The following ZMYND8 variants were observed in gnomAD, a reference collection of about 807,000 sequenced individuals.
ZMYND8 encodes the protein zinc finger MYND-type containing 8.
In ZMYND8, 37 loss-of-function variants were observed where a neutral mutation model predicts 140.8. The observed-to-expected ratio is 0.26, with a 90% CI of 0.20 to 0.35. The LOEUF (loss-of-function observed/expected upper bound fraction) is 0.35, where lower values mean the gene tolerates loss of function less well. Ranked by LOEUF, ZMYND8 falls within the 10% of genes least tolerant of loss-of-function variation. The pLI, the probability that ZMYND8 is intolerant of heterozygous loss-of-function variation, is 1.00. For missense variants in ZMYND8, 1,068 were observed against 1,570.0 expected, an observed-to-expected ratio of 0.68 and a Z score of 5.40; for synonymous variants, 592 against 597.1, an observed-to-expected ratio of 0.99 and a Z score of 0.12.
chr20:47,315,835 A>G lies in ZMYND8; in HGVS notation c.86-5631T>C, dbSNP rs2079346834. Among the ~76,000 whole-genome samples, 2 of 152,074 alleles carry G rather than the reference A, an allele frequency of 1.3e-5. 1 individual carries two copies. The highest frequency in any genetic ancestry group is 4.1e-4 in the South Asian group (2 of 4,824). On this transcript the variant is annotated intron_variant, in intron 2 of 22. Transcript: ENST00000471951. ...ACCCCGCCCGGCTGGCTCACTCACA[A>G]CCCTCTGCCTCTCACCCATCCCCCA... is the stretch of plus-strand genomic sequence containing the variant.
chr20:47,308,513 G>A (rs1293490069), intron 3 of ZMYND8, among the ~76,000 whole-genome samples: 3 of 152,128 alleles, frequency 2.0e-5, no homozygotes, highest in African/African-American at 4.8e-5. Flanking sequence ...GAGCCACCGC[G>A]CCTGGCCAGA....
At chr20:47,356,468 T>A in intron 1 of ZMYND8, 189 bp downstream of exon 1, 1 of 1,567,352 alleles carries the variant, frequency 6.4e-7, no homozygotes, top group Non-Finnish European at 8.6e-7. Flanking sequence ...AAAATCAAGC[T>A]ATGGCTAATG....
At chr20:47,299,094 CTAAA>C (rs879889307) in intron 3 of ZMYND8, 147 bp from the exon 4 acceptor site, 21 of 726,672 alleles carry the variant, frequency 2.9e-5, no homozygotes, top group Non-Finnish European at 4.5e-5. Context: ...GGTTACTCTA[CTAAA>C]TATATAATTA....
rs746919139 is a variant in ZMYND8 at position 47,283,634 on chromosome 20, T to C, written c.819A>G (p.Glu273=). ...CAGCTAGATAACATTCTGGACATAC[T>C]TCGATTTCATTCATCTGTAAAGCAA... ...KICEHEMNEI[E]VCPECYLAAC... The change falls in exon 9 of 23, where the codon GAA becomes GAG. Residue 273 remains glutamate, a synonymous_variant. Coordinates refer to ENST00000471951, the MANE Select transcript of ZMYND8 (RefSeq NM_001281775.3). 1.2e-6 allele frequency: 2 copies of C among 1,614,048 alleles called. No homozygotes were observed. Among genetic ancestry groups the C allele is most frequent in the Non-Finnish European group, 1.7e-6 (2 of 1,179,986 alleles).
chr20:47,333,237 G>T (rs1056248081), intron 2 of ZMYND8, among the ~76,000 whole-genome samples: 1 of 152,046 alleles, frequency 6.6e-6, no homozygotes. Flanking sequence ...ATGCATTTAA[G>T]CCAGACATAG....
intron 2 of ZMYND8, among the ~76,000 whole-genome samples, chr20:47,341,414 C>G (rs1375729055): frequency 2.0e-5 from 3 of 151,202 alleles, no homozygotes. Flanking sequence ...ATAGTCCCAG[C>G]TACTTAGAAG....
At chr20:47,224,252 C>A in intron 19 of ZMYND8, 65 bp downstream of exon 19, 1 of 1,601,164 alleles carries the variant, frequency 6.2e-7, no homozygotes, top group South Asian at 1.1e-5. Flanking sequence ...CCCCTGAAGT[C>A]CACAGGGGAG....
chr20:47,333,735 A>G (rs1390799745), intron 2 of ZMYND8, among the ~76,000 whole-genome samples: 1 of 112,640 alleles, frequency 8.9e-6, no homozygotes, highest in Non-Finnish European at 1.8e-5. Context: ...AAAAAAAAAA[A>G]AAAAAAAAAA....
At chr20:47,265,611 T>G (rs2075464252) in intron 11 of ZMYND8, among the ~76,000 whole-genome samples, 1 of 152,106 alleles carries the variant, frequency 6.6e-6, no homozygotes. Context: ...CAACTAATCT[T>G]TTTGTATTTT....
rs1277847693 is a variant in ZMYND8 at position 47,210,268 on chromosome 20, C to G, written c.*493G>C. ...CAGACACACGAGCGAAAACGGTTCG[C>G]CCTCCCCTGGGTATCCAAGGATGAG... On this transcript the variant is annotated 3_prime_UTR_variant, in exon 23 of 23. Transcript: ENST00000471951. 1 of 156,920 alleles carries G rather than the reference C, an allele frequency of 6.4e-6. No homozygotes were observed. Among genetic ancestry groups the G allele is most frequent in the African/African-American group, 2.4e-5 (1 of 41,548 alleles). The allele number at this position is 156,920 out of a possible 1,614,324, so 9.7% of individuals were successfully genotyped here.
At chr20:47,337,874 GA>G (rs2081512641) in intron 2 of ZMYND8, among the ~76,000 whole-genome samples, 1 of 151,988 alleles carries the variant, frequency 6.6e-6, no homozygotes, top group Non-Finnish European at 1.5e-5. Context: ...ACTGGCTTGG[GA>G]ATTACTCAGT....
intron 11 of ZMYND8, among the ~76,000 whole-genome samples, chr20:47,263,411 TG>T (rs1372489974): frequency 6.6e-6 from 1 of 151,884 alleles, no homozygotes; most frequent in Non-Finnish European, 1.5e-5. Flanking sequence ...TCGAAAGTGC[TG>T]GGACACTTGT....
At chr20:47,328,873 A>C (rs938076007) in intron 2 of ZMYND8, among the ~76,000 whole-genome samples, 1 of 152,246 alleles carries the variant, frequency 6.6e-6, no homozygotes, top group Non-Finnish European at 1.5e-5. Flanking sequence ...TTGGTCTATC[A>C]GTCTAGAAGA....
chr20:47,267,580 T>C (rs2075624424), intron 11 of ZMYND8, among the ~76,000 whole-genome samples: 1 of 151,874 alleles, frequency 6.6e-6, no homozygotes, highest in African/African-American at 2.4e-5. Context: ...CCCACAGGTC[T>C]CCCCACCATG....
intron 2 of ZMYND8, among the ~76,000 whole-genome samples, chr20:47,347,159 A>G (rs2082404812): frequency 6.6e-6 from 1 of 152,214 alleles, no homozygotes; most frequent in Non-Finnish European, 1.5e-5. Context: ...TTCATCAACC[A>G]AAGATACGAA....
intron 11 of ZMYND8, 80 bp downstream of exon 11, chr20:47,276,234 C>T: frequency 6.9e-7 from 1 of 1,457,112 alleles, no homozygotes; most frequent in Non-Finnish European, 9.0e-7. Context: ...TGCTCACCTG[C>T]TTGGGCCCAC....
rs7266921 is a variant in ZMYND8, at chr20:47,274,581, G to A, written c.1480+1733C>T. ...AACAAAGTAAGCTTTTAAGGACTCT[G>A]GTCAGAAACAAGGGGGTAAAAAGGA... On this transcript the variant is annotated intron_variant, in intron 11 of 22. Coordinates refer to ENST00000471951, the MANE Select transcript of ZMYND8 (RefSeq NM_001281775.3). Among the ~76,000 whole-genome samples the A allele has an allele frequency of 4.8e-3, 734 of 152,266 alleles. 5 individuals are homozygous for A. The highest frequency in any genetic ancestry group is 0.01 in the Middle Eastern group (3 of 294).
At chr20:47,334,722 G>A (rs1030499842) in intron 2 of ZMYND8, among the ~76,000 whole-genome samples, 2 of 151,602 alleles carry the variant, frequency 1.3e-5, no homozygotes, top group African/African-American at 2.4e-5. Context: ...CAATTCTCCC[G>A]CCTCAGCCTG....
intron 2 of ZMYND8, chr20:47,319,146 C>T (rs545906680): frequency 1.6e-5 from 13 of 824,192 alleles, no homozygotes; most frequent in Non-Finnish European, 2.3e-5. Flanking sequence ...CATTAGGTCG[C>T]CCGGCGGGGC....
Sources: allele counts gnomAD v4.1 joint callset (sites outside exome capture counted in the v4.1 genomes callset), GRCh38; gene constraint gnomAD v4.1.1; transcripts MANE v1.5; gene names NCBI Gene and HGNC (gene_info 2026-07-23, HGNC 2026-07-21).